Variants in PCDHGA11 observed in about 807,000 individuals in gnomAD.
PCDHGA11 encodes the protein protocadherin gamma-A11.
PCDHGA11 carries 39 observed loss-of-function variants against 60.4 expected under a neutral mutation model. The ratio of observed to expected loss-of-function variants is 0.65; its 90% CI spans 0.50 to 0.84. The LOEUF (loss-of-function observed/expected upper bound fraction) is 0.84, where lower values mean the gene tolerates loss of function less well. PCDHGA11 is among the 40% of genes least tolerant of loss of function. The pLI is 0.00. For synonymous variants in PCDHGA11, 533 were observed against 510.3 expected (o/e 1.04, Z -0.60); for missense variants, 1,165 against 1,197.7 (o/e 0.97, Z 0.40).
chr5:141,452,791 C>T (rs1202677389), intron 1 of PCDHGA11, among the ~76,000 whole-genome samples: 2 of 152,156 alleles, frequency 1.3e-5, no homozygotes, highest in Non-Finnish European at 2.9e-5. Context: ...AACATACCAT[C>T]ATTTTTGCTG....
At chr5:141,473,853 C>T (rs2099329853) in intron 1 of PCDHGA11, among the ~76,000 whole-genome samples, 1 of 152,128 alleles carries the variant, frequency 6.6e-6, no homozygotes, top group Non-Finnish European at 1.5e-5. Flanking sequence ...GGAAGATGAA[C>T]CTCGCTATTG....
rs147564249 is a variant in PCDHGA11, at chr5:141,432,378, C to T, written c.2433+8718C>T. 1 of 1,614,234 alleles carries T rather than the reference C, an allele frequency of 6.2e-7. No homozygotes were observed. Among genetic ancestry groups the T allele is most frequent in the Non-Finnish European group, 8.5e-7 (1 of 1,180,044 alleles). ...GTGATGGCGCGGGACAACGGGCACCCGCCCCTCAGCAGCAACGTGTCGTTG... is the reference window on the plus strand; with the variant it reads ...GTGATGGCGCGGGACAACGGGCACCTGCCCCTCAGCAGCAACGTGTCGTTG... On this transcript the variant is annotated intron_variant, in intron 1 of 3. Coordinates refer to ENST00000398587, the MANE Select transcript of PCDHGA11 (RefSeq NM_018914.3). This position sits in a 1 kb window ranked among gnomAD's most constrained non-coding sequence, Gnocchi z 6.0.
chr5:141,423,323 C>T lies in PCDHGA11; in HGVS notation c.2096C>T (p.Ala699Val), dbSNP rs200492485. The part of the protein sequence containing the change: ...DLSLYLVVAV[A>V]AVSCIFLVFV... ...TCGCTGTACTTGGTGGTGGCGGTGGCCGCAGTCTCCTGCATCTTCCTGGTC... is the reference window on the plus strand; with the variant it reads ...TCGCTGTACTTGGTGGTGGCGGTGGTCGCAGTCTCCTGCATCTTCCTGGTC... The change falls in exon 1 of 4, where the codon GCC (alanine) becomes GTC (valine). Residue 699 changes from alanine to valine, a missense_variant. Physicochemically the swap from Ala to Val is moderately conservative, Grantham distance 64 (BLOSUM62 0). Coordinates refer to ENST00000398587, the MANE Select transcript of PCDHGA11 (RefSeq NM_018914.3). The T allele has an allele frequency of 6.2e-7, 1 of 1,614,146 alleles. No homozygotes were observed. The highest frequency in any genetic ancestry group is 2.2e-5 in the East Asian group (1 of 44,870).
chr5:141,508,994 A>G (rs2099873731), intron 3 of PCDHGA11, among the ~76,000 whole-genome samples: 1 of 152,052 alleles, frequency 6.6e-6, no homozygotes, highest in South Asian at 2.1e-4. Flanking sequence ...CAGCTGGGGT[A>G]GGAGAGGAGG....
intron 2 of PCDHGA11, among the ~76,000 whole-genome samples, chr5:141,495,507 C>T (rs1380258502): frequency 6.6e-6 from 1 of 152,188 alleles, no homozygotes; most frequent in African/African-American, 2.4e-5. Context: ...TCCGTCTTTG[C>T]CACTTTCTCT....
Position 141,422,139 on chromosome 5 carries a change from A to C in PCDHGA11, c.912A>C (p.Val304=). 1.9e-6 allele frequency: 3 copies of C among 1,588,154 alleles called. No individual in the cohort carries two copies. Among genetic ancestry groups the C allele is most frequent in the Non-Finnish European group, 2.6e-6 (3 of 1,171,410 alleles). ...ATTCACAAACTGGAGAAGTTCAAGTACGGGGGTCTCTGGATTTTGAAAAAT... is the reference window on the plus strand; with the variant it reads ...ATTCACAAACTGGAGAAGTTCAAGTCCGGGGGTCTCTGGATTTTGAAAAAT... The part of the protein sequence containing the change: ...QLDSQTGEVQ[V]RGSLDFEKYR... Residue 304 remains valine, a synonymous_variant, in exon 1 of 4, where the codon GTA becomes GTC. Coordinates refer to ENST00000398587, the MANE Select transcript of PCDHGA11 (RefSeq NM_018914.3).
chr5:141,423,150 G>T lies in PCDHGA11; in HGVS notation c.1923G>T (p.Gln641His). 6.2e-7 allele frequency: 1 copy of T among 1,613,538 alleles called. No individual in the cohort carries two copies. Among genetic ancestry groups the T allele is most frequent in the Non-Finnish European group, 8.5e-7 (1 of 1,179,916 alleles). ...TGCTGGACAGAGACGCGCTCAAGCA[G>T]AGCCTCGTGGTGGCCGTCCAGGACC... The part of the protein sequence containing the change: ...RALLDRDALK[Q>H]SLVVAVQDHG... The change falls in exon 1 of 4, where the codon CAG (glutamine) becomes CAT (histidine). Residue 641 changes from glutamine (Q) to histidine (H), a missense_variant. Transcript: ENST00000398587.
In PCDHGA11 at chr5:141,454,484, G is replaced by A. The variant is rs555881095; in HGVS notation, c.2433+30824G>A. On this transcript the variant is annotated intron_variant, in intron 1 of 3. Transcript: ENST00000398587. The stretch of plus-strand genomic sequence containing the variant: ...TGCAATGGCATGATCTCAGCTCACC[G>A]CAACCTCCACCTCCTGGATTCAGGC... Among the ~76,000 whole-genome samples, 7 of 152,218 alleles carry A rather than the reference G, an allele frequency of 4.6e-5. No individual in the cohort carries two copies. In the East Asian group the frequency reaches 7.7e-4, roughly 17 times the overall value.
chr5:141,457,270 T>C (rs1338894991), intron 1 of PCDHGA11, among the ~76,000 whole-genome samples: 2 of 152,234 alleles, frequency 1.3e-5, no homozygotes. Flanking sequence ...TTCCCCTCTG[T>C]GGGCCTACGA....
rs775132338 is a variant in PCDHGA11 at position 141,490,858 on chromosome 5, G to A, written c.2434-3949G>A. On this transcript the variant is annotated intron_variant, in intron 1 of 3. Coordinates refer to ENST00000398587, the MANE Select transcript of PCDHGA11 (RefSeq NM_018914.3). This position sits in a 1 kb window ranked among gnomAD's most constrained non-coding sequence, Gnocchi z 5.4. Reference sequence around the variant, plus strand: ...GATTGTGGTGGGGGTTCGAGACTCCGGCTCTCCCCCATTGCATGCCAACAC... The same window carrying A: ...GATTGTGGTGGGGGTTCGAGACTCCAGCTCTCCCCCATTGCATGCCAACAC... 14 of 1,613,704 alleles carry A rather than the reference G, an allele frequency of 8.7e-6. No homozygotes were observed. Among genetic ancestry groups the A allele is most frequent in the South Asian group, 2.2e-5 (2 of 91,068 alleles).
chr5:141,421,614 T>C lies in PCDHGA11; in HGVS notation c.387T>C (p.Asp129=), dbSNP rs552534116. 3 of 1,613,810 alleles carry C rather than the reference T, an allele frequency of 1.9e-6. No homozygotes were observed. The highest frequency in any genetic ancestry group is 2.2e-5 in the South Asian group (2 of 91,076). Residue 129 remains aspartate (D), a synonymous_variant, in exon 1 of 4, where the codon GAT becomes GAC. Coordinates refer to ENST00000398587, the MANE Select transcript of PCDHGA11 (RefSeq NM_018914.3). ...AGGTGGAAATAATAGATATTAATGA[T>C]AACGCCCCCAGCTTCCAGGAGGACG... ...GVEVEIIDIN[D]NAPSFQEDEV...
chr5:141,494,234 A>G (rs1299510042), intron 1 of PCDHGA11, among the ~76,000 whole-genome samples: 1 of 152,138 alleles, frequency 6.6e-6, no homozygotes, highest in Non-Finnish European at 1.5e-5. Context: ...CTAAATTAAT[A>G]ATGTATTTAG....
In PCDHGA11 at chr5:141,476,990, C is replaced by A; in HGVS notation, c.2434-17817C>A. On this transcript the variant is annotated intron_variant, in intron 1 of 3. Coordinates refer to ENST00000398587, the MANE Select transcript of PCDHGA11 (RefSeq NM_018914.3). The surrounding 1 kb of genome is among the most constrained non-coding windows in gnomAD (Gnocchi z 7.6). Reference sequence around the variant, plus strand: ...CGGCAGCCACAACCGCGCCGGCGTGCGGCAACTATTCGCCTTAGACCTTGT... The same window carrying A: ...CGGCAGCCACAACCGCGCCGGCGTGAGGCAACTATTCGCCTTAGACCTTGT... The A allele has an allele frequency of 6.2e-7, 1 of 1,614,220 alleles. No individual in the cohort carries two copies. Among genetic ancestry groups the A allele is most frequent in the South Asian group, 1.1e-5 (1 of 91,090 alleles).
At position 141,431,968 on chromosome 5, in the gene PCDHGA11, T is replaced by A. The variant is rs571981127; in HGVS notation, c.2433+8308T>A. On this transcript the variant is annotated intron_variant, in intron 1 of 3. Coordinates refer to ENST00000398587, the MANE Select transcript of PCDHGA11 (RefSeq NM_018914.3). The surrounding 1 kb of genome is among the most constrained non-coding windows in gnomAD (Gnocchi z 4.8). Reference sequence around the variant, plus strand: ...AAAAATCTTACGGAAATTACTATAGTTTAGTCACAGACATAGTCTTGGATA... The same window carrying A: ...AAAAATCTTACGGAAATTACTATAGATTAGTCACAGACATAGTCTTGGATA... 1.9e-6 allele frequency: 3 copies of A among 1,614,072 alleles called. No individual in the cohort carries two copies. Among genetic ancestry groups the A allele is most frequent in the Non-Finnish European group, 2.5e-6 (3 of 1,180,014 alleles).
rs1340366910 is a variant in PCDHGA11 at position 141,490,965 on chromosome 5, C to T, written c.2434-3842C>T. The T allele has an allele frequency of 2.5e-6, 4 of 1,613,738 alleles. No homozygotes were observed. The highest frequency in any genetic ancestry group is 2.7e-5 in the African/African-American group (2 of 74,934). On this transcript the variant is annotated intron_variant, in intron 1 of 3. Transcript: ENST00000398587. This position sits in a 1 kb window ranked among gnomAD's most constrained non-coding sequence, Gnocchi z 5.4. Reference sequence around the variant, plus strand: ...CACGGCCAGACTGGGAACACTCAGCCCCCCAGCGTCTCCCTCGCTCTGCTC... The same window carrying T: ...CACGGCCAGACTGGGAACACTCAGCTCCCCAGCGTCTCCCTCGCTCTGCTC...
intron 1 of PCDHGA11, chr5:141,426,568 C>T: frequency 5.6e-6 from 2 of 354,402 alleles, no homozygotes; most frequent in Non-Finnish European, 5.6e-6. Flanking sequence ...TCGAGAGTCA[C>T]TGTCTTCAAA....
At chr5:141,507,447 G>A (rs998019159) in intron 3 of PCDHGA11, among the ~76,000 whole-genome samples, 1 of 152,226 alleles carries the variant, frequency 6.6e-6, no homozygotes, top group Non-Finnish European at 1.5e-5. Flanking sequence ...GCTGACGGAA[G>A]GACAGAGAGA....
rs538734954 is a variant in PCDHGA11 at position 141,494,863 on chromosome 5, C to T, written c.2490C>T (p.Ser830=). The change falls in exon 2 of 4, where the codon AGC becomes AGT. Residue 830 remains serine, a splice_region_variant and synonymous_variant. Coordinates refer to ENST00000398587, the MANE Select transcript of PCDHGA11 (RefSeq NM_018914.3). The part of the protein sequence containing the change: ...RFSQAQRPGT[S]GSQNGDDTGT... ...CTCAGGCCCAGAGACCCGGCACCAG[C>T]GGGTAGGTGACTGATTCTCCAGCCC... 2 of 1,614,118 alleles carry T rather than the reference C, an allele frequency of 1.2e-6. No individual in the cohort carries two copies. Among genetic ancestry groups the T allele is most frequent in the East Asian group, 2.2e-5 (1 of 44,874 alleles).
In PCDHGA11 at chr5:141,431,819, A is replaced by C. The variant is rs2097420237; in HGVS notation, c.2433+8159A>C. On this transcript the variant is annotated intron_variant, in intron 1 of 3. Transcript: ENST00000398587. The surrounding 1 kb of genome is among the most constrained non-coding windows in gnomAD (Gnocchi z 4.8). ...AGAAGTGGTCCTCACCTCTCTCGCC[A>C]GCTCGGTTCCCGAAAACTCTCCCAG... 6.2e-7 allele frequency: 1 copy of C among 1,614,154 alleles called. No individual in the cohort carries two copies. Among genetic ancestry groups the C allele is most frequent in the Admixed American group, 1.7e-5 (1 of 60,018 alleles).
Sources: gnomAD v4.1 joint callset for allele counts (sites outside exome capture counted in the v4.1 genomes callset) on GRCh38, gnomAD v4.1.1 for gene constraint, Gnocchi (gnomAD v3.1) non-coding constraint, MANE v1.5 for transcripts, NCBI Gene and HGNC (gene_info 2026-07-23, HGNC 2026-07-21) for gene names.